The following CEP170B variants were observed in gnomAD, a reference collection of about 807,000 sequenced individuals.
The protein encoded by CEP170B is centrosomal protein of 170 kDa protein B.
CEP170B carries 55 observed loss-of-function variants against 120.6 expected under a neutral mutation model. The observed-to-expected ratio is 0.46, with a 90% confidence interval of 0.37 to 0.57. The LOEUF (loss-of-function observed/expected upper bound fraction) is 0.57. CEP170B is among the 20% of genes least tolerant of loss of function. The pLI is 0.00. For missense variants in CEP170B, 2,212 were observed against 2,253.3 expected (o/e 0.98, Z 0.37); for synonymous variants, 1,033 against 954.5 (o/e 1.08, Z -1.52).
At chr14:104,871,907 G>A (rs1459861507) in intron 2 of CEP170B, among the ~76,000 whole-genome samples, 1 of 152,246 alleles carries the variant, frequency 6.6e-6, no homozygotes, top group Non-Finnish European at 1.5e-5. Flanking sequence ...GTTCCAGGCA[G>A]AGCTGCCACC....
intron 5 of CEP170B, among the ~76,000 whole-genome samples, chr14:104,879,647 G>A (rs376728325): frequency 6.6e-6 from 1 of 152,196 alleles, no homozygotes; most frequent in African/African-American, 2.4e-5. Context: ...GCCAGCAGGG[G>A]GTGGCCAGAG....
In CEP170B at chr14:104,889,767, C is replaced by T. The variant is rs757366105; in HGVS notation, c.3878+9C>T. On this transcript the variant is annotated intron_variant, in intron 13 of 18. Transcript: ENST00000414716. ...ATTGCGGAGATTGCCAGGTGAGTAGCCCATTCAGAGTAAATCCACTGGGTG... is the reference window on the plus strand; with the variant it reads ...ATTGCGGAGATTGCCAGGTGAGTAGTCCATTCAGAGTAAATCCACTGGGTG... The T allele has an allele frequency of 2.5e-6, 4 of 1,597,712 alleles. No individual in the cohort carries two copies. Among genetic ancestry groups the T allele is most frequent in the South Asian group, 1.1e-5 (1 of 90,222 alleles).
intron 2 of CEP170B, 110 bp from the exon 3 acceptor site, chr14:104,876,146 G>T: frequency 2.0e-6 from 2 of 989,160 alleles, no homozygotes; most frequent in Non-Finnish European, 1.5e-6. Flanking sequence ...GAGGCCTGGG[G>T]GCCACTGCTG....
chr14:104,895,146 TC>T lies in CEP170B; in HGVS notation c.*190del. ...CCCAGCCAGCACCCTACTCACCCTGTCCAGCCCCATGGCCACCCCCACCCCT... is the reference window on the plus strand; with the variant it reads ...CCCAGCCAGCACCCTACTCACCCTGTCAGCCCCATGGCCACCCCCACCCCT... On this transcript the variant is annotated 3_prime_UTR_variant, in exon 19 of 19. Coordinates refer to ENST00000414716, the MANE Select transcript of CEP170B (RefSeq NM_001112726.3). 1 of 618,146 alleles carries T rather than the reference TC, an allele frequency of 1.6e-6. No homozygotes were observed. The highest frequency in any genetic ancestry group is 2.4e-5 in the South Asian group (1 of 42,136). The allele number at this position is 618,146 out of a possible 1,614,324, so 38.3% of individuals were successfully genotyped here. A position where few individuals can be genotyped will look rare whatever the true frequency, so the allele number is the denominator to read the frequency against.
intron 13 of CEP170B, among the ~76,000 whole-genome samples, chr14:104,892,231 G>A (rs556437357): frequency 2.6e-5 from 4 of 152,236 alleles, no homozygotes; most frequent in South Asian, 4.1e-4. Flanking sequence ...GACAGCTGAC[G>A]AGGCTGTGCG....
chr14:104,865,875 TCCTCCCGCGGTC>T lies in CEP170B; in HGVS notation c.-28+369_-28+380del, dbSNP rs886221608. Among the ~76,000 whole-genome samples the T allele has an allele frequency of 2.0e-5, 3 of 151,790 alleles. No individual in the cohort carries two copies. Among genetic ancestry groups the T allele is most frequent in the Non-Finnish European group, 4.4e-5 (3 of 67,908 alleles). ...GCCGCCTCCCTCCTGGCCTGGTCTC[TCCTCCCGCGGTC>T]CCTCCCTCCGTCTTCCTCCTCCTCC... On this transcript the variant is annotated intron_variant, in intron 1 of 18. Coordinates refer to ENST00000414716, the MANE Select transcript of CEP170B (RefSeq NM_001112726.3). The surrounding 1 kb of genome is among the most constrained non-coding windows in gnomAD (Gnocchi z 6.7).
chr14:104,888,715 G>GCACCCACC (rs1896643949), intron 12 of CEP170B, among the ~76,000 whole-genome samples: 1 of 152,250 alleles, frequency 6.6e-6, no homozygotes, highest in Non-Finnish European at 1.5e-5. Flanking sequence ...TCTGCCCTGT[G>GCACCCACC]CACCCACCTA....
chr14:104,889,949 G>GATGGATGGATGA (rs1896715022), intron 13 of CEP170B, among the ~76,000 whole-genome samples, 191 bp downstream of exon 13: 1 of 57,150 alleles, frequency 1.7e-5, no homozygotes, highest in East Asian at 3.2e-4. Flanking sequence ...TGGATGGATG[G>GATGGATGGATGA]ATGAATGGAT....
At position 104,883,893 on chromosome 14, in the gene CEP170B, G is replaced by A. The variant is rs1312396169; in HGVS notation, c.1114G>A (p.Ala372Thr). 1.3e-6 allele frequency: 2 copies of A among 1,586,202 alleles called. No individual in the cohort carries two copies. The highest frequency in any genetic ancestry group is 1.8e-5 in the Admixed American group (1 of 55,414). Residue 372 changes from alanine to threonine, a missense_variant, in exon 9 of 19, where the codon GCC becomes ACC. Ala to Thr is a moderately conservative substitution (Grantham distance 58). Transcript: ENST00000414716. ...SEDPLAKAAS[A>T]AGVPLEASGE... ...GGACCCCCTGGCCAAGGCGGCCTCG[G>A]CCGCTGGGGTGCCCTTGGAGGCCAG...
chr14:104,868,633 C>A lies in CEP170B; in HGVS notation c.105+78C>A. On this transcript the variant is annotated intron_variant, in intron 2 of 18. Coordinates refer to ENST00000414716, the MANE Select transcript of CEP170B (RefSeq NM_001112726.3). The surrounding 1 kb of genome is among the most constrained non-coding windows in gnomAD (Gnocchi z 5.9). ...TGTGGAGGCCAGGAAGGTGCCCACC[C>A]CACTTGCTGCAGGCCACCCTGGCGA... 1.5e-6 allele frequency: 2 copies of A among 1,361,386 alleles called. No homozygotes were observed. The highest frequency in any genetic ancestry group is 2.0e-6 in the Non-Finnish European group (2 of 999,264). The allele number at this position is 1,361,386 out of a possible 1,614,324, so 84.3% of individuals were successfully genotyped here. A position where few individuals can be genotyped will look rare whatever the true frequency, so the allele number is the denominator to read the frequency against.
rs868716721 is a variant in CEP170B at position 104,887,043 on chromosome 14, C to T, written c.2804C>T (p.Ala935Val). The change falls in exon 12 of 19, where the codon GCC becomes GTC. Residue 935 changes from alanine (A) to valine (V), a missense_variant. Coordinates refer to ENST00000414716, the MANE Select transcript of CEP170B (RefSeq NM_001112726.3). ...EARLLSNSVD[A>V]ECEGGSTPRP... ...CGACTCCTCTCTAATTCTGTGGATG[C>T]CGAGTGTGAGGGGGGCAGCACCCCG... The T allele has an allele frequency of 1.9e-6, 3 of 1,611,322 alleles. No individual in the cohort carries two copies. The highest frequency in any genetic ancestry group is 1.7e-5 in the Admixed American group (1 of 60,024).
At chr14:104,872,374 ATGGGTGTG>A (rs1595312049) in intron 2 of CEP170B, among the ~76,000 whole-genome samples, 1 of 64,980 alleles carries the variant, frequency 1.5e-5, no homozygotes, top group East Asian at 3.9e-4. Context: ...TGTGTGTGCC[ATGGGTGTG>A]CATGTGTGCC....
chr14:104,886,847 A>G lies in CEP170B; in HGVS notation c.2608A>G (p.Thr870Ala), dbSNP rs758289297. The change falls in exon 12 of 19, where the codon ACT becomes GCT. Residue 870 changes from threonine (T) to alanine (A), a missense_variant. By Grantham distance (58) the Thr-to-Ala change is moderately conservative. Transcript: ENST00000414716. ...AGCCTTTCTCCGGCAAGAGAGCTTC[A>G]CTAAGGAGCCAGCCAGTGGTCCCCC... The part of the protein sequence containing the change: ...APAFLRQESF[T>A]KEPASGPPAP... The G allele has an allele frequency of 9.3e-6, 15 of 1,610,836 alleles. No individual in the cohort carries two copies. In the Middle Eastern group the frequency reaches 4.9e-4, roughly 53 times the overall value.
At chr14:104,889,378 C>A (rs1268144601) in intron 12 of CEP170B, 11 of 919,550 alleles carry the variant, frequency 1.2e-5, no homozygotes, top group Non-Finnish European at 1.4e-5. Flanking sequence ...TGAAGGGCTA[C>A]TGGGTGGGGG....
At chr14:104,889,106 G>A (rs544558432) in intron 12 of CEP170B, among the ~76,000 whole-genome samples, 1 of 152,218 alleles carries the variant, frequency 6.6e-6, no homozygotes, top group Admixed American at 6.5e-5. Flanking sequence ...CAGTGGCCTT[G>A]CTTGCGCTCT....
Position 104,886,601 on chromosome 14 carries a change from G to GC in CEP170B, c.2367dup (p.Gly790ArgfsTer21). ...GAGCAGGGGTCGGCGCTCACCAAGG[G>GC]CCCCCGGGGAGCCAACTCCCGCCTC... On this transcript the variant is annotated frameshift_variant, in exon 12 of 19. Coordinates refer to ENST00000414716, the MANE Select transcript of CEP170B (RefSeq NM_001112726.3). LOFTEE classifies it high-confidence loss of function. 1 of 1,517,704 alleles carries GC rather than the reference G, an allele frequency of 6.6e-7. No individual in the cohort carries two copies. 94.0% of individuals were successfully genotyped at this position (1,517,704 alleles called of 1,614,324 possible). A position where few individuals can be genotyped will look rare whatever the true frequency, so the allele number is the denominator to read the frequency against.
At position 104,886,373 on chromosome 14, in the gene CEP170B, C is replaced by T; in HGVS notation, c.2134C>T (p.Pro712Ser). 1.3e-6 allele frequency: 2 copies of T among 1,580,338 alleles called. No individual in the cohort carries two copies. Among genetic ancestry groups the T allele is most frequent in the Non-Finnish European group, 1.7e-6 (2 of 1,165,060 alleles). ...PQLPSERADS[P>S]AGPESSRRSG... ...GCTGCCCAGTGAGAGGGCTGACAGC[C>T]CTGCGGGCCCAGAGAGCAGCAGGAG... The change falls in exon 12 of 19, where the codon CCT becomes TCT. Residue 712 changes from proline to serine, a missense_variant. Physicochemically the swap from Pro to Ser is moderately conservative, Grantham distance 74. Coordinates refer to ENST00000414716, the MANE Select transcript of CEP170B (RefSeq NM_001112726.3).
chr14:104,875,940 C>A (rs1895825359), intron 2 of CEP170B, among the ~76,000 whole-genome samples: 1 of 152,208 alleles, frequency 6.6e-6, no homozygotes, highest in Non-Finnish European at 1.5e-5. Flanking sequence ...CTGGCTGCCG[C>A]CACCTGACCT....
In CEP170B at chr14:104,885,963, C is replaced by T. The variant is rs939100043; in HGVS notation, c.1945-77C>T. 9.2e-6 allele frequency: 12 copies of T among 1,311,004 alleles called. No individual in the cohort carries two copies. The African/African-American group carries it at 1.0e-4, about 11-fold the overall frequency. 81.2% of individuals were successfully genotyped at this position (1,311,004 alleles called of 1,614,324 possible). The stretch of plus-strand genomic sequence containing the variant: ...GGCTGGTGTTGGCTGCTCTGGACGC[C>T]CCTCCTGTTCCCTGGCACCCCCTGC... On this transcript the variant is annotated intron_variant, in intron 10 of 18. Transcript: ENST00000414716.
Sources: allele counts gnomAD v4.1 joint callset (sites outside exome capture counted in the v4.1 genomes callset), GRCh38; gene constraint gnomAD v4.1.1; non-coding constraint Gnocchi (gnomAD v3.1); transcripts MANE v1.5; gene names NCBI Gene and HGNC (gene_info 2026-07-23, HGNC 2026-07-21).